The following UNC80 variants were observed in gnomAD, a reference collection of about 807,000 sequenced individuals.
The protein encoded by UNC80 is unc-80 subunit of NALCN channel complex, also known as protein unc-80 homolog.
In UNC80, 164 loss-of-function variants were observed where a neutral mutation model predicts 384.6. That is an observed-to-expected ratio of 0.43 (90% CI 0.38 to 0.49). The LOEUF (loss-of-function observed/expected upper bound fraction) is 0.49. Among genes scored for constraint, UNC80 ranks in the 20% least tolerant of loss-of-function variants. UNC80 has a pLI of 0.00. For synonymous variants in UNC80, 1,486 were observed against 1,527.8 expected, an observed-to-expected ratio of 0.97 and a Z score of 0.64; for missense variants, 3,330 against 4,143.0, an observed-to-expected ratio of 0.80 and a Z score of 5.39.
chr2:209,876,787 A>G (rs2084823601), intron 23 of UNC80, among the ~76,000 whole-genome samples: 1 of 152,172 alleles, frequency 6.6e-6, no homozygotes, highest in Non-Finnish European at 1.5e-5. Flanking sequence ...TTAGAATCCC[A>G]CATACTGCAT....
intron 28 of UNC80, among the ~76,000 whole-genome samples, chr2:209,903,204 G>C (rs2087629794): frequency 6.8e-6 from 1 of 148,010 alleles, no homozygotes; most frequent in Admixed American, 7.0e-5. Context: ...AATTTTGGGG[G>C]GATATTTTGG....
chr2:209,884,390 A>AT (rs1379745135), intron 25 of UNC80, among the ~76,000 whole-genome samples: 1 of 152,214 alleles, frequency 6.6e-6, no homozygotes, highest in Non-Finnish European at 1.5e-5. Context: ...AAAACAGCAT[A>AT]TTGGGTCCTT....
chr2:209,950,342 A>T (rs976213466), intron 47 of UNC80, among the ~76,000 whole-genome samples: 1 of 152,090 alleles, frequency 6.6e-6, no homozygotes, highest in Non-Finnish European at 1.5e-5. Context: ...TTTTAAAAAA[A>T]AAATTTTAAT....
chr2:209,894,591 C>G (rs568243429), intron 27 of UNC80, among the ~76,000 whole-genome samples: 1 of 152,164 alleles, frequency 6.6e-6, no homozygotes, highest in Admixed American at 6.6e-5. Context: ...AATGCAGATT[C>G]TGATTCAGCA....
At position 209,911,519 on chromosome 2, in the gene UNC80, C is replaced by T. The variant is rs546112694; in HGVS notation, c.4783-1041C>T. On this transcript the variant is annotated intron_variant, in intron 29 of 64. Coordinates refer to ENST00000673920, the MANE Select transcript of UNC80 (RefSeq NM_001371986.1). ...ACATAATAGATGCATTTTCTTGGGT[C>T]GTTTTGTCAGAGTTTTGAAAGACTT... Among the ~76,000 whole-genome samples the T allele has an allele frequency of 1.9e-4, 29 of 152,260 alleles. No homozygotes were observed. The South Asian group carries it at 5.0e-3, about 26-fold the overall frequency.
chr2:209,836,111 C>T (rs201045860), intron 18 of UNC80, among the ~76,000 whole-genome samples: 3 of 121,556 alleles, frequency 2.5e-5, no homozygotes, highest in African/African-American at 6.2e-5. Flanking sequence ...ATGATTCAAT[C>T]AATCAATGAA....
chr2:209,915,778 G>A (rs2089468635), intron 31 of UNC80, among the ~76,000 whole-genome samples: 1 of 152,186 alleles, frequency 6.6e-6, no homozygotes, highest in South Asian at 2.1e-4. Context: ...CGAACCTACA[G>A]TTACATAAAA....
chr2:209,984,735 G>T (rs2093244887), intron 60 of UNC80, 121 bp from the exon 61 acceptor site: 1 of 919,592 alleles, frequency 1.1e-6, no homozygotes, highest in South Asian at 1.8e-5. Context: ...TTCCTTCCTT[G>T]TTCGGTTAAA....
chr2:209,874,135 C>T (rs753148219), intron 23 of UNC80, among the ~76,000 whole-genome samples: 7 of 152,070 alleles, frequency 4.6e-5, no homozygotes, highest in Non-Finnish European at 5.9e-5. Context: ...TTTTGTAAAT[C>T]GTTGAGATAA....
chr2:209,804,691 A>T (rs2078776624), intron 7 of UNC80, among the ~76,000 whole-genome samples: 1 of 151,368 alleles, frequency 6.6e-6, no homozygotes, highest in African/African-American at 2.4e-5. Flanking sequence ...ATATATATAT[A>T]TATGTAAAAA....
At position 209,982,296 on chromosome 2, in the gene UNC80, T is replaced by G. The variant is rs1575217903; in HGVS notation, c.9236T>G (p.Val3079Gly). 1 of 1,551,388 alleles carries G rather than the reference T, an allele frequency of 6.4e-7. No homozygotes were observed. Residue 3079 changes from valine (V) to glycine (G), a missense_variant, in exon 60 of 65, where the codon GTG becomes GGG. By Grantham distance (109) the Val-to-Gly change is moderately radical. Around this residue, in one of 8 missense-constraint regions of UNC80, gnomAD observed 216 missense variants for 245.3 expected, o/e 0.88. Transcript: ENST00000673920. Reference sequence around the variant, plus strand: ...AGCATGTCTGTACCTCAGGCTGAGGTGGGCATGCTACCCAGCCAGAGGTAA... The same window carrying G: ...AGCATGTCTGTACCTCAGGCTGAGGGGGGCATGCTACCCAGCCAGAGGTAA... ...VSSMSVPQAE[V>G]GMLPSQSEPN...
chr2:209,816,839 A>T, intron 9 of UNC80, 70 bp from the exon 10 acceptor site: 2 of 1,398,676 alleles, frequency 1.4e-6, no homozygotes, highest in Non-Finnish European at 9.9e-7. Flanking sequence ...CAGATCATGG[A>T]GCCCCTTGGG....
At chr2:209,972,636 C>T (rs920271783) in intron 55 of UNC80, among the ~76,000 whole-genome samples, 1 of 152,206 alleles carries the variant, frequency 6.6e-6, no homozygotes, top group Non-Finnish European at 1.5e-5. Context: ...TAAGAATTGA[C>T]AGGTGAACAA....
At chr2:209,957,554 T>C (rs1575142084) in intron 48 of UNC80, 90 bp from the exon 49 acceptor site, 25 of 1,176,190 alleles carry the variant, frequency 2.1e-5, no homozygotes, top group East Asian at 1.0e-4. Flanking sequence ...TTAAAACTTA[T>C]GTGTGCTTCA....
At chr2:209,918,019 C>T in intron 32 of UNC80, 61 bp downstream of exon 32, 1 of 1,483,522 alleles carries the variant, frequency 6.7e-7, no homozygotes, top group Non-Finnish European at 9.1e-7. Flanking sequence ...TTTGTTTAAA[C>T]CGTTGAACCT....
chr2:209,861,574 CT>C lies in UNC80; in HGVS notation c.3628-11182del, dbSNP rs554084473. 1.1e-4 allele frequency among the ~76,000 whole-genome samples: 17 copies of C among 152,242 alleles called. No homozygotes were observed. The South Asian group carries it at 3.5e-3, about 32-fold the overall frequency. On this transcript the variant is annotated intron_variant, in intron 22 of 64. Transcript: ENST00000673920. ...AAAATGAGTTAGGGAGAAGTCCCTC[CT>C]TCTCAATTGTTTGGAATAGTTTCAG...
chr2:209,853,708 T>C (rs2082693447), intron 22 of UNC80, among the ~76,000 whole-genome samples: 1 of 152,106 alleles, frequency 6.6e-6, no homozygotes, highest in Admixed American at 6.6e-5. Flanking sequence ...ATTTTTCAAG[T>C]GAAATAGTCT....
intron 25 of UNC80, among the ~76,000 whole-genome samples, chr2:209,887,238 G>A (rs1484069671): frequency 1.3e-5 from 2 of 151,556 alleles, no homozygotes; most frequent in African/African-American, 2.4e-5. Flanking sequence ...GTTTTTTCTC[G>A]ATGTTGGTCA....
At chr2:209,903,814 T>A (rs1370307347) in intron 28 of UNC80, among the ~76,000 whole-genome samples, 1 of 151,492 alleles carries the variant, frequency 6.6e-6, no homozygotes, top group African/African-American at 2.4e-5. Flanking sequence ...CTAGGTCCTC[T>A]GCTTTAGGAT....
Sources: allele counts gnomAD v4.1 joint callset (sites outside exome capture counted in the v4.1 genomes callset), GRCh38; gene constraint gnomAD v4.1.1; regional missense constraint gnomAD v4.1.1; transcripts MANE v1.5; gene names NCBI Gene and HGNC (gene_info 2026-07-23, HGNC 2026-07-21).